The following RNF19B variants were observed in gnomAD, a reference collection of about 807,000 sequenced individuals.
The protein encoded by RNF19B is E3 ubiquitin-protein ligase RNF19B.
In RNF19B, 23 loss-of-function variants were observed where a neutral mutation model predicts 65.5. The ratio of observed to expected loss-of-function variants is 0.35; its 90% CI spans 0.25 to 0.50. RNF19B has a LOEUF of 0.50. Ranked by LOEUF, RNF19B falls within the 20% of genes least tolerant of loss-of-function variation. The pLI is 0.98. For synonymous variants in RNF19B, 372 were observed against 379.6 expected, an observed-to-expected ratio of 0.98 and a Z score of 0.23; for missense variants, 794 against 980.0, an observed-to-expected ratio of 0.81 and a Z score of 2.53.
rs540741053 is a variant in RNF19B, at chr1:32,964,781, A to C, written c.-96T>G. 7.7e-6 allele frequency: 9 copies of C among 1,163,712 alleles called. No homozygotes were observed. The highest frequency in any genetic ancestry group is 9.9e-6 in the Non-Finnish European group (9 of 910,790). 72.1% of individuals were successfully genotyped at this position (1,163,712 alleles called of 1,614,324 possible). A position where few individuals can be genotyped will look rare whatever the true frequency, so the allele number is the denominator to read the frequency against. On this transcript the variant is annotated 5_prime_UTR_variant, in exon 1 of 9. Transcript: ENST00000235150. This position sits in a 1 kb window ranked among gnomAD's most constrained non-coding sequence, Gnocchi z 6.5. ...GCGCCCGGCCGCCGCCGACGCCGCC[A>C]CCACCGCCTCAACCGCCCTCCCGGC...
In RNF19B at chr1:32,949,753, G is replaced by C. The variant is rs1245295280; in HGVS notation, c.657C>G (p.Gly219=). Residue 219 remains glycine, a synonymous_variant, in exon 2 of 9, where the codon GGC becomes GGG. Transcript: ENST00000235150. ...PDCGYAVIAY[G]CASCPKLTCE... ...AAGTTAGCTTCGGGCAGCTGGCACAGCCATAGGCAATAACAGCATAACTAG... is the reference window on the plus strand; with the variant it reads ...AAGTTAGCTTCGGGCAGCTGGCACACCCATAGGCAATAACAGCATAACTAG... 9.3e-6 allele frequency: 15 copies of C among 1,613,830 alleles called. No individual in the cohort carries two copies. The highest frequency in any genetic ancestry group is 1.3e-5 in the Non-Finnish European group (15 of 1,179,962).
At chr1:32,949,971 CTTTTT>C (rs545960275) in intron 1 of RNF19B, among the ~76,000 whole-genome samples, 197 bp from the exon 2 acceptor site, 2 of 148,112 alleles carry the variant, frequency 1.4e-5, no homozygotes, top group Non-Finnish European at 3.0e-5. Flanking sequence ...AGAAAGTAAA[CTTTTT>C]TTTTTTGAGA....
intron 1 of RNF19B, among the ~76,000 whole-genome samples, chr1:32,958,426 G>A (rs1642690424): frequency 6.6e-6 from 1 of 152,142 alleles, no homozygotes; most frequent in South Asian, 2.1e-4. Context: ...TCAAAAGATG[G>A]TTGGAGATGG....
intron 3 of RNF19B, among the ~76,000 whole-genome samples, chr1:32,946,935 T>G (rs758842475): frequency 6.6e-6 from 1 of 152,216 alleles, no homozygotes; most frequent in Non-Finnish European, 1.5e-5. Flanking sequence ...CCTGCACTAA[T>G]GAACACTCTG....
At chr1:32,944,814 A>G (rs552148915) in intron 5 of RNF19B, among the ~76,000 whole-genome samples, 1 of 151,830 alleles carries the variant, frequency 6.6e-6, no homozygotes, top group South Asian at 2.1e-4. Flanking sequence ...TCAGCCTCCC[A>G]AGTAGCTGGG....
the RNF19B span, among the ~76,000 whole-genome samples, chr1:32,929,145 C>T: frequency 2.6e-5 from 4 of 152,192 alleles, no homozygotes; most frequent in African/African-American, 7.2e-5. Context: ...TGTTCCTTGC[C>T]GCTCCCAGCT....
At chr1:32,938,140 C>CCAAAAAAAAAAA (rs1642147651) in intron 8 of RNF19B, among the ~76,000 whole-genome samples, 1 of 46,044 alleles carries the variant, frequency 2.2e-5, no homozygotes, top group African/African-American at 8.5e-5. Flanking sequence ...CCAAGAAAGA[C>CCAAAAAAAAAAA]AAAAAAAAAA....
chr1:32,930,601 T>A, the RNF19B span, among the ~76,000 whole-genome samples: 1 of 151,464 alleles, frequency 6.6e-6, no homozygotes, highest in Non-Finnish European at 1.5e-5. Context: ...AGAGATGGGG[T>A]CTCACTATAT....
chr1:32,952,610 C>T (rs557016435), intron 1 of RNF19B, among the ~76,000 whole-genome samples: 3 of 150,180 alleles, frequency 2.0e-5, no homozygotes, highest in East Asian at 1.9e-4. Context: ...GGCATGGTGG[C>T]GGGCGCCTGT....
Position 32,946,573 on chromosome 1 carries a change from G to A in RNF19B, c.984-9C>T. 6.2e-7 allele frequency: 1 copy of A among 1,611,532 alleles called. No homozygotes were observed. Among genetic ancestry groups the A allele is most frequent in the Non-Finnish European group, 8.5e-7 (1 of 1,178,746 alleles). On this transcript the variant is annotated splice_polypyrimidine_tract_variant and intron_variant, in intron 3 of 8. Coordinates refer to ENST00000235150, the MANE Select transcript of RNF19B (RefSeq NM_001300826.2). ...ATGTACAGCCAGAGGGGCTGCAGGG[G>A]AAACAGACTGAAGTTAATGTCAACA...
intron 1 of RNF19B, among the ~76,000 whole-genome samples, chr1:32,957,525 G>A (rs184580222): frequency 6.6e-6 from 1 of 152,310 alleles, no homozygotes. Flanking sequence ...GGGTTCAACA[G>A]TGTATCATTC....
intron 1 of RNF19B, among the ~76,000 whole-genome samples, chr1:32,956,406 AGTGTGGTGGGGCGCGGTGGC>A (rs1225218996): frequency 1.3e-4 from 20 of 151,790 alleles, no homozygotes; most frequent in Non-Finnish European, 2.9e-4. Flanking sequence ...AAATTAGCCG[AGTGTGGTGGGGCGCGGTGGC>A]GTGTGGTGGC....
At chr1:32,963,348 C>T (rs747090062) in intron 1 of RNF19B, among the ~76,000 whole-genome samples, 1 of 152,142 alleles carries the variant, frequency 6.6e-6, no homozygotes, top group Admixed American at 6.5e-5. Flanking sequence ...CACACCCCTC[C>T]GACGCGCTGC....
chr1:32,958,262 G>T (rs1338944205), intron 1 of RNF19B, among the ~76,000 whole-genome samples: 3 of 152,146 alleles, frequency 2.0e-5, no homozygotes, highest in African/African-American at 7.2e-5. Flanking sequence ...TAGCATATTA[G>T]CATGTTTAAA....
downstream of RNF19B, among the ~76,000 whole-genome samples, chr1:32,932,035 G>C (rs1171189666): frequency 1.3e-5 from 2 of 152,180 alleles, no homozygotes; most frequent in East Asian, 1.9e-4. Context: ...TATTAGCCAG[G>C]ATTCAGTAAC....
chr1:32,958,166 A>G (rs79603578), intron 1 of RNF19B, among the ~76,000 whole-genome samples: 1 of 152,334 alleles, frequency 6.6e-6, no homozygotes, highest in African/African-American at 2.4e-5. Flanking sequence ...GTTAAGCCTT[A>G]AAGATGCTAC....
At chr1:32,949,959 T>G (rs897937479) in intron 1 of RNF19B, among the ~76,000 whole-genome samples, 185 bp from the exon 2 acceptor site, 3 of 151,262 alleles carry the variant, frequency 2.0e-5, no homozygotes, top group Admixed American at 6.7e-5. Flanking sequence ...ATATCCCATG[T>G]GAGAAAGTAA....
chr1:32,931,147 C>T, the RNF19B span, among the ~76,000 whole-genome samples: 1 of 152,106 alleles, frequency 6.6e-6, no homozygotes, highest in African/African-American at 2.4e-5. Flanking sequence ...ACCTCTAGTA[C>T]CCCCATATTG....
intron 2 of RNF19B, 68 bp from the exon 3 acceptor site, chr1:32,948,431 T>A: frequency 2.0e-6 from 3 of 1,523,660 alleles, no homozygotes; most frequent in Non-Finnish European, 2.7e-6. Flanking sequence ...ATTTAATTGT[T>A]CCTAGGAGTA....
Sources: gnomAD v4.1 joint callset for allele counts (sites outside exome capture counted in the v4.1 genomes callset) on GRCh38, gnomAD v4.1.1 for gene constraint, Gnocchi (gnomAD v3.1) non-coding constraint, MANE v1.5 for transcripts, NCBI Gene and HGNC (gene_info 2026-07-23, HGNC 2026-07-21) for gene names.